Variants in GRIP1 observed in about 807,000 individuals in gnomAD.
GRIP1 encodes glutamate receptor-interacting protein 1.
A neutral mutation model predicts 129.9 loss-of-function variants in GRIP1; 45 were observed. The observed-to-expected ratio is 0.35, with a 90% CI of 0.27 to 0.44. GRIP1 has a LOEUF of 0.44. Ranked by LOEUF, GRIP1 falls within the 20% of genes least tolerant of loss-of-function variation. The probability of loss-of-function intolerance (pLI) is 1.00; values close to 1 mark genes in which losing one functional copy is unlikely to be tolerated. For missense variants in GRIP1, 1,196 were observed against 1,396.8 expected (o/e 0.86, Z 2.29); for synonymous variants, 530 against 520.8 (o/e 1.02, Z -0.24).
intron 1 of GRIP1, among the ~76,000 whole-genome samples, chr12:66,605,246 T>C (rs573743124): frequency 3.3e-5 from 5 of 152,290 alleles, no homozygotes; most frequent in African/African-American, 1.2e-4. Flanking sequence ...TAAACAATTA[T>C]ATCTCTTGAC....
intron 1 of GRIP1, among the ~76,000 whole-genome samples, chr12:67,042,467 A>G (rs2043195099): frequency 6.6e-6 from 1 of 152,160 alleles, no homozygotes; most frequent in Non-Finnish European, 1.5e-5. Flanking sequence ...AGGTCAAAGG[A>G]TATCCACAAT....
intron 1 of GRIP1, among the ~76,000 whole-genome samples, chr12:66,802,895 A>G (rs2038899169): frequency 1.3e-5 from 2 of 152,260 alleles, no homozygotes; most frequent in South Asian, 4.1e-4. Flanking sequence ...CACATTTAAA[A>G]GAGAAACATC....
At chr12:66,474,111 G>C (rs185298740) in intron 7 of GRIP1, among the ~76,000 whole-genome samples, 1 of 152,126 alleles carries the variant, frequency 6.6e-6, no homozygotes, top group Non-Finnish European at 1.5e-5. Context: ...TTACTAACTA[G>C]AATAACCAGT....
intron 16 of GRIP1, among the ~76,000 whole-genome samples, chr12:66,403,764 AG>A (rs1409677067): frequency 6.6e-6 from 1 of 152,196 alleles, no homozygotes; most frequent in Non-Finnish European, 1.5e-5. Flanking sequence ...TAGAGATTGT[AG>A]GGGAAGGGTA....
chr12:67,046,128 C>T (rs1423689082), intron 1 of GRIP1, among the ~76,000 whole-genome samples: 1 of 152,146 alleles, frequency 6.6e-6, no homozygotes, highest in Non-Finnish European at 1.5e-5. Flanking sequence ...AGAAAACAAC[C>T]TGAGCCCTCT....
At chr12:66,361,706 G>A (rs1217604302) in intron 23 of GRIP1, among the ~76,000 whole-genome samples, 1 of 152,198 alleles carries the variant, frequency 6.6e-6, no homozygotes, top group Non-Finnish European at 1.5e-5. Flanking sequence ...AGGCCTGCCT[G>A]CTGCCTGCTC....
intron 1 of GRIP1, among the ~76,000 whole-genome samples, chr12:66,919,644 G>A (rs908775753): frequency 1.3e-5 from 2 of 152,140 alleles, no homozygotes; most frequent in Non-Finnish European, 2.9e-5. Flanking sequence ...AATGAAGCAA[G>A]AATTTGGTTT....
chr12:66,785,360 A>ATATATATATATATATATATATG (rs1217294972), intron 1 of GRIP1, among the ~76,000 whole-genome samples: 1 of 143,118 alleles, frequency 7.0e-6, no homozygotes, highest in Non-Finnish European at 1.5e-5. Flanking sequence ...ATATATATAT[A>ATATATATATATATATATATATG]TATTAGTTGG....
intron 1 of GRIP1, among the ~76,000 whole-genome samples, chr12:66,838,449 G>A (rs1455307141): frequency 1.3e-5 from 2 of 152,166 alleles, no homozygotes; most frequent in Non-Finnish European, 2.9e-5. Context: ...ACACTAATAA[G>A]ACAGGAGTCT....
intron 23 of GRIP1, among the ~76,000 whole-genome samples, chr12:66,370,761 AC>A (rs1300355598): frequency 6.6e-6 from 1 of 152,190 alleles, no homozygotes; most frequent in Non-Finnish European, 1.5e-5. Flanking sequence ...TTCCACAAAC[AC>A]TGTTACTTAC....
intron 5 of GRIP1, among the ~76,000 whole-genome samples, chr12:66,528,748 C>G (rs1163527567): frequency 6.6e-6 from 1 of 152,124 alleles, no homozygotes; most frequent in Non-Finnish European, 1.5e-5. Context: ...GGTTTATAAA[C>G]ATTGGCTTTT....
chr12:66,460,270 T>A (rs1417410423), intron 9 of GRIP1, among the ~76,000 whole-genome samples: 1 of 152,222 alleles, frequency 6.6e-6, no homozygotes, highest in Non-Finnish European at 1.5e-5. Context: ...TTATGGTTCT[T>A]GTATCATTCC....
chr12:66,750,121 C>G (rs1009975779), intron 1 of GRIP1, among the ~76,000 whole-genome samples: 2 of 152,180 alleles, frequency 1.3e-5, no homozygotes, highest in Non-Finnish European at 2.9e-5. Context: ...CTCTAATGAG[C>G]AGAGATTATA....
chr12:66,794,393 G>A (rs573457131), intron 1 of GRIP1, among the ~76,000 whole-genome samples: 1 of 152,140 alleles, frequency 6.6e-6, no homozygotes, highest in Non-Finnish European at 1.5e-5. Flanking sequence ...ACTCACAAAA[G>A]GACACTGTAT....
chr12:66,645,965 A>G (rs1657314384), intron 1 of GRIP1, among the ~76,000 whole-genome samples: 1 of 152,200 alleles, frequency 6.6e-6, no homozygotes, highest in African/African-American at 2.4e-5. Flanking sequence ...GTATGGAGCC[A>G]TCAGTATTAA....
intron 1 of GRIP1, among the ~76,000 whole-genome samples, chr12:66,985,416 TTAAA>T (rs1266365088): frequency 5.9e-5 from 9 of 152,136 alleles, no homozygotes; most frequent in Admixed American, 6.5e-5. Context: ...AATAAATAAA[TTAAA>T]TAAGTGATAT....
chr12:66,963,085 C>A (rs115492499), intron 1 of GRIP1, among the ~76,000 whole-genome samples: 3,962 of 151,938 alleles, frequency 0.026, 168 homozygotes, highest in African/African-American at 0.09. Flanking sequence ...CCAAGGTGGG[C>A]GAGCTGCTTG....
In GRIP1 at chr12:66,392,705, G is replaced by T; in HGVS notation, c.2241C>A (p.Val747=). ...CTGTCTGTTTCTTAATTTTCAAGGT[G>T]ACAGTCTCTCCTGCCATCTGTAACA... The part of the protein sequence containing the change: ...IHLLQMAGET[V]TLKIKKQTDA... The change falls in exon 18 of 25, where the codon GTC becomes GTA. Residue 747 remains valine (V), a synonymous_variant. Coordinates refer to ENST00000359742, the MANE Select transcript of GRIP1 (RefSeq NM_001366722.1). 1.2e-6 allele frequency: 2 copies of T among 1,614,012 alleles called. No homozygotes were observed. Among genetic ancestry groups the T allele is most frequent in the South Asian group, 2.2e-5 (2 of 91,068 alleles).
intron 22 of GRIP1, among the ~76,000 whole-genome samples, chr12:66,373,242 A>G (rs955911562): frequency 1.3e-5 from 2 of 152,152 alleles, no homozygotes; most frequent in Admixed American, 6.5e-5. Context: ...GGCATGCGCC[A>G]CCATGCTTGG....
Sources: gnomAD v4.1 joint callset for allele counts (sites outside exome capture counted in the v4.1 genomes callset) on GRCh38, gnomAD v4.1.1 for gene constraint, MANE v1.5 for transcripts, NCBI Gene and HGNC (gene_info 2026-07-23, HGNC 2026-07-21) for gene names.